MRTFB: variants seen among roughly 807,000 people sequenced by gnomAD.
MRTFB encodes myocardin-related transcription factor B.
A neutral mutation model predicts 104.2 loss-of-function variants in MRTFB; 29 were observed. That is an observed-to-expected ratio of 0.28 (90% CI 0.21 to 0.38). The LOEUF (loss-of-function observed/expected upper bound fraction) is 0.38. Among genes scored for constraint, MRTFB ranks in the 10% least tolerant of loss-of-function variants. MRTFB has a pLI of 1.00. For missense variants in MRTFB, 1,270 were observed against 1,341.6 expected, an observed-to-expected ratio of 0.95 and a Z score of 0.83; for synonymous variants, 535 against 519.5, an observed-to-expected ratio of 1.03 and a Z score of -0.41.
At chr16:14,080,256 A>AC (rs1318722714) in intron 2 of MRTFB, among the ~76,000 whole-genome samples, 3 of 151,930 alleles carry the variant, frequency 2.0e-5, no homozygotes, top group Non-Finnish European at 2.9e-5. Context: ...CCAGTTTATA[A>AC]CCCCCCTCAG....
intron 2 of MRTFB, among the ~76,000 whole-genome samples, chr16:14,128,569 A>C (rs1168080926): frequency 6.6e-6 from 1 of 152,232 alleles, no homozygotes; most frequent in African/African-American, 2.4e-5. Flanking sequence ...AGCAAGCGGG[A>C]CAGGCAGACC....
intron 2 of MRTFB, among the ~76,000 whole-genome samples, chr16:14,131,491 A>G (rs1362157040): frequency 6.6e-6 from 1 of 152,170 alleles, no homozygotes; most frequent in African/African-American, 2.4e-5. Context: ...TTGTCTGTCA[A>G]AGCACATTAT....
the MRTFB span, among the ~76,000 whole-genome samples, chr16:14,051,344 C>A: frequency 1.3e-5 from 2 of 151,930 alleles, no homozygotes; most frequent in South Asian, 2.1e-4. Context: ...GACACACAGA[C>A]ACATGCATAC....
intron 2 of MRTFB, among the ~76,000 whole-genome samples, chr16:14,086,368 A>G (rs970011099): frequency 6.6e-6 from 1 of 152,186 alleles, no homozygotes; most frequent in Admixed American, 6.5e-5. Flanking sequence ...AGTTTTAATC[A>G]GTATTTGAGC....
intron 6 of MRTFB, among the ~76,000 whole-genome samples, chr16:14,215,234 G>T (rs1262484420): frequency 6.6e-6 from 1 of 152,118 alleles, no homozygotes; most frequent in African/African-American, 2.4e-5. Flanking sequence ...CTGTATTTAT[G>T]AATTAACCAT....
rs79063466 is a variant in MRTFB at position 14,157,018 on chromosome 16, T to C, written c.154+16258T>C. Among the ~76,000 whole-genome samples, 135 of 152,352 alleles carry C rather than the reference T, an allele frequency of 8.9e-4. No individual in the cohort carries two copies. In the East Asian group the frequency reaches 0.024, roughly 27 times the overall value. ...AAGGAAAAGGTCTTGCAATGAAATA[T>C]ATCAAATTATTTTGGAAATTTACAT... On this transcript the variant is annotated intron_variant, in intron 3 of 16. Transcript: ENST00000571589.
In MRTFB at chr16:14,115,645, A is replaced by G. The variant is rs181680443; in HGVS notation, c.-63-24899A>G. On this transcript the variant is annotated intron_variant, in intron 2 of 16. Coordinates refer to ENST00000571589, the MANE Select transcript of MRTFB (RefSeq NM_001308142.2). ...TTGAGGCAGTACCCCATAATCAAAC[A>G]TTAATATTTCTGCCTTGAAATAGTC... 6.6e-5 allele frequency among the ~76,000 whole-genome samples: 10 copies of G among 152,336 alleles called. No individual in the cohort carries two copies. The East Asian group carries it at 1.9e-3, about 29-fold the overall frequency.
chr16:14,075,246 G>A (rs2033965767), intron 1 of MRTFB, among the ~76,000 whole-genome samples: 1 of 152,210 alleles, frequency 6.6e-6, no homozygotes, highest in Non-Finnish European at 1.5e-5. Context: ...ATTGAGTGCA[G>A]GTTTCACAGC....
At chr16:14,124,399 AT>A (rs1426779039) in intron 2 of MRTFB, among the ~76,000 whole-genome samples, 6 of 152,050 alleles carry the variant, frequency 3.9e-5, no homozygotes, top group Admixed American at 3.9e-4. Flanking sequence ...TTGGCTATGG[AT>A]TTGTCATAAG....
At chr16:14,007,634 C>T in the MRTFB span, among the ~76,000 whole-genome samples, 1 of 152,206 alleles carries the variant, frequency 6.6e-6, no homozygotes, top group South Asian at 2.1e-4. Flanking sequence ...TTTTGAGAAA[C>T]TGCCAAACAG....
chr16:14,124,433 T>C (rs2037006107), intron 2 of MRTFB, among the ~76,000 whole-genome samples: 4 of 152,298 alleles, frequency 2.6e-5, no homozygotes, highest in Non-Finnish European at 5.9e-5. Flanking sequence ...TTTTGAGATA[T>C]GGTCCATCAA....
chr16:14,238,915 A>G (rs1221293135), intron 9 of MRTFB, among the ~76,000 whole-genome samples: 1 of 152,232 alleles, frequency 6.6e-6, no homozygotes, highest in Non-Finnish European at 1.5e-5. Flanking sequence ...TAAATGTTTA[A>G]TAACTGGCTG....
intron 3 of MRTFB, among the ~76,000 whole-genome samples, chr16:14,207,336 G>A (rs534123661): frequency 6.6e-6 from 1 of 152,320 alleles, no homozygotes; most frequent in Admixed American, 6.5e-5. Context: ...GTTTGTGTGT[G>A]TTGTTTTATT....
At chr16:14,135,392 A>C (rs772010538) in intron 2 of MRTFB, among the ~76,000 whole-genome samples, 26 of 152,206 alleles carry the variant, frequency 1.7e-4, no homozygotes, top group Admixed American at 9.2e-4. Context: ...AGACACACAT[A>C]CTTACCATTG....
the MRTFB span, among the ~76,000 whole-genome samples, chr16:14,048,888 C>T: frequency 6.6e-6 from 1 of 152,220 alleles, no homozygotes; most frequent in Non-Finnish European, 1.5e-5. Context: ...AGGCATGTGG[C>T]AGCACTTGGT....
At chr16:14,029,101 G>C in the MRTFB span, among the ~76,000 whole-genome samples, 128,941 of 151,790 alleles carry the variant, frequency 0.85, 55,831 homozygotes, top group Non-Finnish European at 0.94. Context: ...GGAGGATCAG[G>C]CAGGGCAACA....
At chr16:14,006,512 CAA>C in the MRTFB span, among the ~76,000 whole-genome samples, 5 of 132,418 alleles carry the variant, frequency 3.8e-5, no homozygotes, top group Admixed American at 7.6e-5. Context: ...GACTCTGTCT[CAA>C]AAAAAAAAAA....
At chr16:14,250,311 A>C (rs2043201972) in intron 13 of MRTFB, among the ~76,000 whole-genome samples, 1 of 152,236 alleles carries the variant, frequency 6.6e-6, no homozygotes, top group African/African-American at 2.4e-5. Context: ...TTAGAATATT[A>C]GTGGTATAGA....
intron 2 of MRTFB, among the ~76,000 whole-genome samples, chr16:14,097,968 G>T (rs868787738): frequency 6.6e-6 from 1 of 151,728 alleles, no homozygotes; most frequent in East Asian, 1.9e-4. Flanking sequence ...TTGTATATCT[G>T]TTCACTGTTT....
Sources: gnomAD v4.1 joint callset for allele counts (sites outside exome capture counted in the v4.1 genomes callset) on GRCh38, gnomAD v4.1.1 for gene constraint, MANE v1.5 for transcripts, NCBI Gene and HGNC (gene_info 2026-07-23, HGNC 2026-07-21) for gene names.